The following IMMP2L variants were observed in gnomAD, a reference collection of about 807,000 sequenced individuals.
IMMP2L encodes the protein inner mitochondrial membrane peptidase subunit 2, also known as mitochondrial inner membrane protease subunit 2.
A neutral mutation model predicts 19.3 loss-of-function variants in IMMP2L; 18 were observed. The observed-to-expected ratio is 0.93, with a 90% confidence interval of 0.64 to 1.38. The LOEUF (loss-of-function observed/expected upper bound fraction) is 1.38. Ranked by LOEUF, IMMP2L falls within the 40% of genes most tolerant of loss-of-function variation. IMMP2L has a pLI of 0.00. For missense variants in IMMP2L, 233 were observed against 218.2 expected, an observed-to-expected ratio of 1.07 and a Z score of -0.43; for synonymous variants, 76 against 73.0, an observed-to-expected ratio of 1.04 and a Z score of -0.21.
chr7:110,834,439 A>G (rs1804250635), intron 5 of IMMP2L, among the ~76,000 whole-genome samples: 1 of 152,098 alleles, frequency 6.6e-6, no homozygotes, highest in African/African-American at 2.4e-5. Context: ...GCTCAACTCA[A>G]TACTGAAGAA....
chr7:110,931,775 T>C (rs534657621), intron 4 of IMMP2L, among the ~76,000 whole-genome samples: 3 of 152,310 alleles, frequency 2.0e-5, no homozygotes, highest in Admixed American at 6.5e-5. Flanking sequence ...TGCCATGGTC[T>C]AGAATTTACA....
At chr7:111,370,747 T>C (rs1175396979) in intron 3 of IMMP2L, among the ~76,000 whole-genome samples, 4 of 151,958 alleles carry the variant, frequency 2.6e-5, no homozygotes, top group Non-Finnish European at 5.9e-5. Context: ...TAAACCAGTT[T>C]AGTATATAGC....
chr7:110,675,215 C>T (rs1483571338), intron 5 of IMMP2L, among the ~76,000 whole-genome samples: 2 of 152,122 alleles, frequency 1.3e-5, no homozygotes, highest in Non-Finnish European at 2.9e-5. Flanking sequence ...GAGGTATCAT[C>T]AAAAGTGGTG....
chr7:111,058,805 C>T (rs1793745687), intron 3 of IMMP2L, among the ~76,000 whole-genome samples: 2 of 152,098 alleles, frequency 1.3e-5, no homozygotes. Flanking sequence ...TGACTTGAGT[C>T]CTATCCTACT....
At chr7:111,257,765 A>G (rs1201999013) in intron 3 of IMMP2L, among the ~76,000 whole-genome samples, 1 of 152,088 alleles carries the variant, frequency 6.6e-6, no homozygotes, top group Non-Finnish European at 1.5e-5. Flanking sequence ...TACATCTTTT[A>G]AACACCTTTT....
intron 5 of IMMP2L, among the ~76,000 whole-genome samples, chr7:110,754,606 C>G (rs1014884194): frequency 6.6e-6 from 1 of 151,940 alleles, no homozygotes; most frequent in Non-Finnish European, 1.5e-5. Flanking sequence ...TTTGGAAATT[C>G]TTGTTAGAAT....
At chr7:110,926,103 T>C (rs1369615080) in intron 4 of IMMP2L, among the ~76,000 whole-genome samples, 1 of 152,014 alleles carries the variant, frequency 6.6e-6, no homozygotes, top group Non-Finnish European at 1.5e-5. Context: ...TACTAAAACA[T>C]TAAAACAACA....
chr7:111,489,473 A>G (rs1337677092), intron 2 of IMMP2L, among the ~76,000 whole-genome samples: 1 of 152,084 alleles, frequency 6.6e-6, no homozygotes, highest in African/African-American at 2.4e-5. Flanking sequence ...GCCTTCACTG[A>G]GGGGCTGATG....
At chr7:110,883,521 G>C (rs1189547965) in intron 5 of IMMP2L, among the ~76,000 whole-genome samples, 1 of 152,072 alleles carries the variant, frequency 6.6e-6, no homozygotes, top group Non-Finnish European at 1.5e-5. Context: ...TTCTTAGAAA[G>C]AGGCACTCTA....
rs189481632 is a variant in IMMP2L, at chr7:111,443,277, T to C, written c.239+43961A>G. 1.8e-4 allele frequency among the ~76,000 whole-genome samples: 27 copies of C among 150,004 alleles called. No homozygotes were observed. The East Asian group carries it at 3.9e-3, about 21-fold the overall frequency. ...GTTAATTACTTATACCTCTGTTCAA[T>C]ACAGTAATCCAAATTTTCAAATGCA... On this transcript the variant is annotated intron_variant, in intron 3 of 5. Transcript: ENST00000405709.
At chr7:111,510,305 C>T (rs761214577) in intron 2 of IMMP2L, among the ~76,000 whole-genome samples, 9 of 152,036 alleles carry the variant, frequency 5.9e-5, no homozygotes, top group Non-Finnish European at 1.3e-4. Flanking sequence ...CCAGTTTTTT[C>T]GAGCTTGTAC....
At chr7:111,409,799 A>C (rs1465161779) in intron 3 of IMMP2L, among the ~76,000 whole-genome samples, 1 of 151,780 alleles carries the variant, frequency 6.6e-6, no homozygotes, top group Non-Finnish European at 1.5e-5. Flanking sequence ...AAAAGTGGAC[A>C]AAATATATAA....
At chr7:110,733,630 ATGTTTGTG>A (rs1474514868) in intron 5 of IMMP2L, among the ~76,000 whole-genome samples, 2 of 152,142 alleles carry the variant, frequency 1.3e-5, no homozygotes, top group African/African-American at 4.8e-5. Flanking sequence ...TGTGGTTTGT[ATGTTTGTG>A]TACCTCCAAA....
intron 3 of IMMP2L, among the ~76,000 whole-genome samples, chr7:111,455,388 C>G (rs2131956603): frequency 6.6e-6 from 1 of 152,034 alleles, no homozygotes; most frequent in East Asian, 1.9e-4. Flanking sequence ...ATGATTTTAA[C>G]CTTTCTTTAA....
In IMMP2L at chr7:110,864,599, A is replaced by G. The variant is rs1807798437; in HGVS notation, c.408+21994T>C. ...GTTATCAAAATCACCCTGAAGAAAC[A>G]CAGAGTGCAAAAAGGGTTATTTCTT... On this transcript the variant is annotated intron_variant, in intron 5 of 5. Coordinates refer to ENST00000405709, the MANE Select transcript of IMMP2L (RefSeq NM_032549.4). Among the ~76,000 whole-genome samples, 3 of 152,218 alleles carry G rather than the reference A, an allele frequency of 2.0e-5. No homozygotes were observed. The South Asian group carries it at 6.2e-4, about 32-fold the overall frequency.
chr7:111,498,444 T>C (rs1009451386), intron 2 of IMMP2L, among the ~76,000 whole-genome samples: 1 of 152,050 alleles, frequency 6.6e-6, no homozygotes, highest in Admixed American at 6.6e-5. Context: ...AATCTTTAAC[T>C]TCCTCATAAA....
intron 4 of IMMP2L, among the ~76,000 whole-genome samples, chr7:110,939,433 G>C (rs1471596283): frequency 6.7e-6 from 1 of 150,024 alleles, no homozygotes; most frequent in Admixed American, 6.7e-5. Context: ...TGTAAAGCGA[G>C]TACACAGGGA....
At chr7:111,021,662 C>T (rs552129360) in intron 3 of IMMP2L, among the ~76,000 whole-genome samples, 1 of 152,322 alleles carries the variant, frequency 6.6e-6, no homozygotes, top group Non-Finnish European at 1.5e-5. Flanking sequence ...GTGGGAGGAT[C>T]ACCTGAGGTC....
chr7:110,733,063 G>A (rs1016659699), intron 5 of IMMP2L, among the ~76,000 whole-genome samples: 1 of 152,134 alleles, frequency 6.6e-6, no homozygotes, highest in Non-Finnish European at 1.5e-5. Context: ...TTACAGGTGT[G>A]AGCCACTGCA....
Sources: allele counts gnomAD v4.1 joint callset (sites outside exome capture counted in the v4.1 genomes callset), GRCh38; gene constraint gnomAD v4.1.1; transcripts MANE v1.5; gene names NCBI Gene and HGNC (gene_info 2026-07-23, HGNC 2026-07-21).